The following PAM variants were observed in gnomAD, a reference collection of about 807,000 sequenced individuals.
PAM encodes the protein peptidylglycine alpha-amidating monooxygenase, also known as peptidyl-glycine alpha-amidating monooxygenase.
Under a neutral mutation model 122.1 loss-of-function variants are expected in PAM, and 72 were observed. The observed-to-expected ratio is 0.59, with a 90% CI of 0.49 to 0.72. PAM has a LOEUF of 0.72. Ranked by LOEUF, PAM falls within the 30% of genes least tolerant of loss-of-function variation. The pLI, the probability that PAM is intolerant of heterozygous loss-of-function variation, is 0.00. For missense variants in PAM, 1,106 were observed against 1,183.7 expected, an observed-to-expected ratio of 0.93 and a Z score of 0.96; for synonymous variants, 389 against 404.4, an observed-to-expected ratio of 0.96 and a Z score of 0.46.
chr5:102,916,487 C>A (rs1212919802), intron 5 of PAM, among the ~76,000 whole-genome samples: 1 of 151,684 alleles, frequency 6.6e-6, no homozygotes, highest in Non-Finnish European at 1.5e-5. Flanking sequence ...ACAATTGGTG[C>A]TGTTATTCAT....
At chr5:102,830,778 G>T (rs2150425379) in intron 1 of PAM, among the ~76,000 whole-genome samples, 1 of 152,252 alleles carries the variant, frequency 6.6e-6, no homozygotes, top group Middle Eastern at 3.4e-3. Flanking sequence ...AATAATGTTT[G>T]TCTTCTATTA....
intron 14 of PAM, among the ~76,000 whole-genome samples, chr5:102,968,932 C>G (rs1455611032): frequency 6.6e-6 from 1 of 152,140 alleles, no homozygotes; most frequent in Admixed American, 6.6e-5. Context: ...AGTTCATGTC[C>G]TTTGCAGGGA....
At chr5:102,756,365 A>C (rs1306997535) in intron 1 of PAM, among the ~76,000 whole-genome samples, 1 of 152,186 alleles carries the variant, frequency 6.6e-6, no homozygotes, top group Non-Finnish European at 1.5e-5. Flanking sequence ...ATCCCTGTGT[A>C]CAAAGCTATG....
chr5:102,997,504 G>T (rs1235398518), intron 16 of PAM, among the ~76,000 whole-genome samples: 1 of 151,840 alleles, frequency 6.6e-6, no homozygotes, highest in African/African-American at 2.4e-5. Flanking sequence ...GAGCAACAGA[G>T]ACCCTGTCTC....
chr5:102,992,485 T>C (rs1000465432), intron 16 of PAM, among the ~76,000 whole-genome samples: 1 of 152,144 alleles, frequency 6.6e-6, no homozygotes, highest in South Asian at 2.1e-4. Context: ...ACTCTGTTAG[T>C]TATTTTTTAG....
intron 1 of PAM, among the ~76,000 whole-genome samples, chr5:102,777,985 T>C (rs1271837298): frequency 6.6e-6 from 1 of 152,192 alleles, no homozygotes; most frequent in African/African-American, 2.4e-5. Flanking sequence ...CCTGCGATCA[T>C]TCCTTCTGCA....
intron 14 of PAM, among the ~76,000 whole-genome samples, chr5:102,967,781 T>C (rs1764561108): frequency 6.7e-6 from 1 of 149,298 alleles, no homozygotes; most frequent in African/African-American, 2.5e-5. Flanking sequence ...AGTGGCACTA[T>C]CTCAGCTCAC....
At chr5:103,002,938 C>T in intron 16 of PAM, 95 bp from the exon 17 acceptor site, 2 of 687,406 alleles carry the variant, frequency 2.9e-6, no homozygotes, top group East Asian at 5.2e-5. Context: ...TACATTTGAG[C>T]TCTTTTGATT....
intron 3 of PAM, among the ~76,000 whole-genome samples, chr5:102,876,132 A>G (rs569553657): frequency 6.6e-6 from 1 of 152,262 alleles, no homozygotes; most frequent in East Asian, 1.9e-4. Flanking sequence ...CAAATACACT[A>G]GAGTCTTTAT....
intron 15 of PAM, among the ~76,000 whole-genome samples, chr5:102,976,478 G>GTC (rs1767712636): frequency 6.6e-6 from 1 of 151,670 alleles, no homozygotes; most frequent in Admixed American, 6.6e-5. Flanking sequence ...TCTAATTAAT[G>GTC]TCTAGTCCTC....
At position 103,025,307 on chromosome 5, in the gene PAM, C is replaced by G; in HGVS notation, c.2662C>G (p.Arg888Gly). 1 of 1,613,522 alleles carries G rather than the reference C, an allele frequency of 6.2e-7. No individual in the cohort carries two copies. Among genetic ancestry groups the G allele is most frequent in the Non-Finnish European group, 8.5e-7 (1 of 1,179,642 alleles). ...VVLLAIAIFI[R>G]WKKSRAFGDS... ...CCTGCTGGCCATTGCCATATTTATTCGGTGGAAAAAATCAAGGGCCTTTGG... is the reference window on the plus strand; with the variant it reads ...CCTGCTGGCCATTGCCATATTTATTGGGTGGAAAAAATCAAGGGCCTTTGG... The change falls in exon 24 of 26, where the codon CGG becomes GGG. Residue 888 changes from arginine to glycine, a missense_variant. Arg to Gly is a moderately radical substitution (Grantham distance 125). Transcript: ENST00000438793.
Position 102,974,214 on chromosome 5 carries a change from G to T in PAM, c.1261G>T (p.Asp421Tyr). ...TACAGAAAAGGCAGAATCAGAGTCA[G>T]ACCTGGTAGCTGAGATTGCAAATGT... ...NPTEKAESES[D>Y]LVAEIANVVQ... is the part of the protein sequence containing the mutation. Residue 421 changes from aspartate (D) to tyrosine (Y), a missense_variant, in exon 15 of 26, where the codon GAC (aspartate) becomes TAC (tyrosine). Transcript: ENST00000438793. 6.2e-7 allele frequency: 1 copy of T among 1,613,788 alleles called. No individual in the cohort carries two copies. Among genetic ancestry groups the T allele is most frequent in the Non-Finnish European group, 8.5e-7 (1 of 1,179,732 alleles).
chr5:103,014,083 A>G (rs1448749700), intron 21 of PAM, among the ~76,000 whole-genome samples: 1 of 152,102 alleles, frequency 6.6e-6, no homozygotes, highest in Non-Finnish European at 1.5e-5. Context: ...ACTTCCTCAT[A>G]TCTGTTGGTA....
chr5:102,838,017 G>T (rs1777552624), intron 1 of PAM, among the ~76,000 whole-genome samples: 1 of 152,064 alleles, frequency 6.6e-6, no homozygotes, highest in Non-Finnish European at 1.5e-5. Flanking sequence ...TTTACATTTC[G>T]AATATTTAGT....
At chr5:102,826,047 A>T (rs258244) in intron 1 of PAM, among the ~76,000 whole-genome samples, 28 of 152,050 alleles carry the variant, frequency 1.8e-4, no homozygotes, top group Middle Eastern at 3.4e-3. Flanking sequence ...ATAAGAATAC[A>T]GTGTTTGCAA....
intron 1 of PAM, among the ~76,000 whole-genome samples, chr5:102,763,633 T>G (rs2149692750): frequency 6.6e-6 from 1 of 151,934 alleles, no homozygotes; most frequent in East Asian, 1.9e-4. Context: ...GAAGTATGAG[T>G]AGGAGAATGT....
intron 1 of PAM, among the ~76,000 whole-genome samples, chr5:102,848,212 A>G (rs1780432996): frequency 6.6e-6 from 1 of 150,670 alleles, no homozygotes. Flanking sequence ...ACTGTTCTTT[A>G]CTTTTCCCAG....
chr5:103,028,236 G>C lies in PAM; in HGVS notation c.2741G>C (p.Arg914Thr), dbSNP rs763117523. ...TCAGGAAGAGTACTGGGAAGATTTAGAGGTATGCCTATGACCTTTTAGAAC... is the reference window on the plus strand; with the variant it reads ...TCAGGAAGAGTACTGGGAAGATTTACAGGTATGCCTATGACCTTTTAGAAC... ...TSSGRVLGRF[R>T]GKGSGGLNLG... is the part of the protein sequence containing the mutation. The change falls in exon 25 of 26, where the codon AGA becomes ACA. Residue 914 changes from arginine (R) to threonine (T), a missense_variant and splice_region_variant. Around this residue, in one of 3 missense-constraint regions of PAM, gnomAD observed 333 missense variants for 335.6 expected, o/e 0.99. Transcript: ENST00000438793. 4 of 1,606,364 alleles carry C rather than the reference G, an allele frequency of 2.5e-6. No homozygotes were observed. The highest frequency in any genetic ancestry group is 3.4e-6 in the Non-Finnish European group (4 of 1,173,092).
intron 15 of PAM, among the ~76,000 whole-genome samples, chr5:102,986,773 A>G (rs1233350544): frequency 3.3e-5 from 5 of 152,054 alleles, no homozygotes; most frequent in Non-Finnish European, 7.4e-5. Context: ...AGTTTCCCCC[A>G]TACTGTTCTC....
Sources: gnomAD v4.1 joint callset for allele counts (sites outside exome capture counted in the v4.1 genomes callset) on GRCh38, gnomAD v4.1.1 for gene constraint, gnomAD v4.1.1 regional missense constraint, MANE v1.5 for transcripts, NCBI Gene and HGNC (gene_info 2026-07-23, HGNC 2026-07-21) for gene names.